Variants in SLF2 observed in about 807,000 individuals in gnomAD.
The protein encoded by SLF2 is SMC5/6 complex localization factor 2, also known as SMC5-SMC6 complex localization factor protein 2.
Under a neutral mutation model 124.3 loss-of-function variants are expected in SLF2, and 68 were observed. The ratio of observed to expected loss-of-function variants is 0.55; its 90% confidence interval spans 0.45 to 0.67. The LOEUF (loss-of-function observed/expected upper bound fraction) is 0.67, where lower values mean the gene tolerates loss of function less well. Ranked by LOEUF, SLF2 falls within the 30% of genes least tolerant of loss-of-function variation. The probability of loss-of-function intolerance (pLI) is 0.00; values close to 1 mark genes in which losing one functional copy is unlikely to be tolerated. For missense variants in SLF2, 1,246 were observed against 1,373.7 expected, an observed-to-expected ratio of 0.91 and a Z score of 1.47; for synonymous variants, 480 against 478.8, an observed-to-expected ratio of 1.00 and a Z score of -0.03.
At chr10:100,945,198 C>T in intron 12 of SLF2, 132 bp from the exon 13 acceptor site, 3 of 681,888 alleles carry the variant, frequency 4.4e-6, no homozygotes, top group Non-Finnish European at 6.8e-6. Context: ...GCCTTCTTTT[C>T]TCTAGACATC....
At chr10:100,917,331 C>G (rs1256112250) in intron 3 of SLF2, 31 bp downstream of exon 3, 1 of 1,564,694 alleles carries the variant, frequency 6.4e-7, no homozygotes, top group Admixed American at 1.9e-5. Flanking sequence ...ATTAGCATTG[C>G]TACTGCTATG....
chr10:100,950,524 C>A, intron 16 of SLF2, 152 bp from the exon 17 acceptor site: 2 of 671,146 alleles, frequency 3.0e-6, no homozygotes, highest in East Asian at 5.5e-5. Flanking sequence ...ATGAGAAAGC[C>A]TAGTTTAGAT....
rs1401319568 is a variant in SLF2 at position 100,924,906 on chromosome 10, T to C, written c.1905T>C (p.Thr635=). ...TAATGGCTTTGAACTTCAATCAGACTCCTGCAGCTACAGGAAAGCCTCCTG... is the reference window on the plus strand; with the variant it reads ...TAATGGCTTTGAACTTCAATCAGACCCCTGCAGCTACAGGAAAGCCTCCTG... The part of the protein sequence containing the change: ...EEIMALNFNQ[T]PAATGKPPAL... Residue 635 remains threonine (T), a synonymous_variant, in exon 5 of 20, where the codon ACT becomes ACC. Transcript: ENST00000238961. 2 of 1,614,034 alleles carry C rather than the reference T, an allele frequency of 1.2e-6. No individual in the cohort carries two copies. The highest frequency in any genetic ancestry group is 1.7e-6 in the Non-Finnish European group (2 of 1,180,034).
intron 9 of SLF2, among the ~76,000 whole-genome samples, chr10:100,932,701 G>A (rs1390422495): frequency 1.5e-5 from 1 of 68,294 alleles, no homozygotes; most frequent in African/African-American, 4.7e-5. Context: ...AAGTGTGTGT[G>A]TGTGTGTGTG....
At chr10:100,946,200 A>G (rs1441826123) in intron 13 of SLF2, among the ~76,000 whole-genome samples, 1 of 152,194 alleles carries the variant, frequency 6.6e-6, no homozygotes, top group Non-Finnish European at 1.5e-5. Context: ...ATTGAGACAT[A>G]ATCTTGCCTA....
chr10:100,940,722 TCCTTCCCTC>T (rs141359671), intron 11 of SLF2, among the ~76,000 whole-genome samples: 26,991 of 124,336 alleles, frequency 0.22, 3,792 homozygotes, highest in East Asian at 0.53. Flanking sequence ...TTCCTTCCCC[TCCTTCCCTC>T]CCTTCCCTCC....
At chr10:100,952,039 T>C (rs1251316416) in intron 17 of SLF2, among the ~76,000 whole-genome samples, 1 of 151,796 alleles carries the variant, frequency 6.6e-6, no homozygotes, top group Non-Finnish European at 1.5e-5. Context: ...AGGTCAGAAG[T>C]TCAAGACCAG....
intron 19 of SLF2, 44 bp downstream of exon 19, chr10:100,959,540 C>G (rs1210613219): frequency 1.2e-6 from 2 of 1,609,160 alleles, no homozygotes; most frequent in Admixed American, 3.4e-5. Flanking sequence ...AATAGTTTTG[C>G]TGAATGGCAC....
intron 4 of SLF2, among the ~76,000 whole-genome samples, chr10:100,918,921 C>T (rs1246846867): frequency 6.6e-6 from 1 of 150,686 alleles, no homozygotes; most frequent in Non-Finnish European, 1.5e-5. Flanking sequence ...CTGCCCTCTT[C>T]AGGAGTTCCT....
At chr10:100,918,765 A>G (rs983157780) in intron 4 of SLF2, among the ~76,000 whole-genome samples, 2 of 152,070 alleles carry the variant, frequency 1.3e-5, no homozygotes, top group African/African-American at 2.4e-5. Context: ...CTGGGACTAC[A>G]GATGTGGGCA....
chr10:100,913,494 C>G (rs1008337880), intron 1 of SLF2: 365 of 1,257,960 alleles, frequency 2.9e-4, no homozygotes, highest in Non-Finnish European at 3.6e-4. Flanking sequence ...ACGGAGAACC[C>G]GCCTTAGGTA....
At chr10:100,935,162 A>G (rs1849819735) in intron 9 of SLF2, among the ~76,000 whole-genome samples, 1 of 151,988 alleles carries the variant, frequency 6.6e-6, no homozygotes. Flanking sequence ...TTGGAAGGCC[A>G]AGGCAGGTGG....
rs1162268190 is a variant in SLF2 at position 100,924,067 on chromosome 10, G to A, written c.1066G>A (p.Ala356Thr). The change falls in exon 5 of 20, where the codon GCA (alanine) becomes ACA (threonine). Residue 356 changes from alanine to threonine, a missense_variant. By Grantham distance (58) the Ala-to-Thr change is moderately conservative. Transcript: ENST00000238961. ...CACAAGAGAATCTATGATACCAAAA[G>A]CAAGAGAGTCCTTCCTTGAGAAGCG... Reference protein sequence around the residue: ...KSTRESMIPKARESFLEKRPD... With the variant: ...KSTRESMIPKTRESFLEKRPD... The A allele has an allele frequency of 6.2e-7, 1 of 1,611,116 alleles. No homozygotes were observed. Among genetic ancestry groups the A allele is most frequent in the Non-Finnish European group, 8.5e-7 (1 of 1,179,292 alleles).
intron 9 of SLF2, among the ~76,000 whole-genome samples, chr10:100,937,005 A>C (rs572382824): frequency 6.6e-6 from 1 of 152,314 alleles, no homozygotes; most frequent in Non-Finnish European, 1.5e-5. Context: ...TGTAATGAGT[A>C]CTACTTCATA....
chr10:100,932,734 C>T (rs550871312), intron 9 of SLF2, among the ~76,000 whole-genome samples: 259 of 151,118 alleles, frequency 1.7e-3, no homozygotes, highest in African/African-American at 5.8e-3. Flanking sequence ...CGCGCGCGCG[C>T]GCGCACATTT....
chr10:100,941,660 C>T lies in SLF2; in HGVS notation c.2655-2366C>T, dbSNP rs528783595. ...CCTGACCTGTTTTCTGTTTTGTTGT[C>T]GGCTTTCTAATCAAATTGATCTGCC... On this transcript the variant is annotated intron_variant, in intron 11 of 19. Transcript: ENST00000238961. Among the ~76,000 whole-genome samples the T allele has an allele frequency of 1.1e-4, 16 of 152,256 alleles. No homozygotes were observed. In the South Asian group the frequency reaches 1.2e-3, roughly 12 times the overall value.
intron 6 of SLF2, chr10:100,926,285 G>A (rs533632775): frequency 9.8e-5 from 145 of 1,477,678 alleles, no homozygotes; most frequent in Non-Finnish European, 1.3e-4. Context: ...CTGCAGCCTG[G>A]GTGGCAGAGT....
At chr10:100,919,886 C>T (rs11596300) in intron 4 of SLF2, among the ~76,000 whole-genome samples, 1 of 152,186 alleles carries the variant, frequency 6.6e-6, no homozygotes, top group Non-Finnish European at 1.5e-5. Flanking sequence ...TCTAATTCCT[C>T]CTTCAGGTTT....
chr10:100,916,874 A>T lies in SLF2; in HGVS notation c.489A>T (p.Ser163=). ...SSYHLPKEMK[S]LKKKHRSPER... The stretch of plus-strand genomic sequence containing the variant: ...ATCACTTGCCAAAGGAGATGAAGTC[A>T]CTAAAGAAAAAACATCGATCCCCAG... Residue 163 remains serine, a synonymous_variant, in exon 3 of 20, where the codon TCA becomes TCT. Coordinates refer to ENST00000238961, the MANE Select transcript of SLF2 (RefSeq NM_018121.4). 25 of 1,614,230 alleles carry T rather than the reference A, an allele frequency of 1.5e-5. No individual in the cohort carries two copies. The highest frequency in any genetic ancestry group is 2.1e-5 in the Non-Finnish European group (25 of 1,180,046).
Sources: allele counts gnomAD v4.1 joint callset (sites outside exome capture counted in the v4.1 genomes callset), GRCh38; gene constraint gnomAD v4.1.1; transcripts MANE v1.5; gene names NCBI Gene and HGNC (gene_info 2026-07-23, HGNC 2026-07-21).